The following KCNT2 variants were observed in gnomAD, a reference collection of about 807,000 sequenced individuals.
KCNT2 encodes potassium sodium-activated channel subfamily T member 2.
KCNT2 carries 67 observed loss-of-function variants against 153.8 expected under a neutral mutation model. The observed-to-expected ratio is 0.44, with a 90% CI of 0.36 to 0.53. The LOEUF is 0.53. KCNT2 is among the 20% of genes least tolerant of loss of function. KCNT2 has a pLI of 0.00. For missense variants in KCNT2, 975 were observed against 1,354.8 expected (o/e 0.72, Z 4.40); for synonymous variants, 500 against 458.8 (o/e 1.09, Z -1.15).
intron 14 of KCNT2, among the ~76,000 whole-genome samples, chr1:196,350,088 T>G (rs1446783062): frequency 6.6e-6 from 1 of 152,218 alleles, no homozygotes; most frequent in African/African-American, 2.4e-5. Context: ...TGCCACATTT[T>G]CTTAATCCAG....
intron 8 of KCNT2, among the ~76,000 whole-genome samples, chr1:196,451,407 A>ACTTTTTTTTT (rs1491122191): frequency 4.5e-4 from 28 of 62,874 alleles, no homozygotes; most frequent in Non-Finnish European, 7.1e-4. Context: ...CACCCAACAC[A>ACTTTTTTTTT]TTTTTTTTTT....
At chr1:196,408,960 T>C (rs1383388894) in intron 12 of KCNT2, among the ~76,000 whole-genome samples, 2 of 151,556 alleles carry the variant, frequency 1.3e-5, no homozygotes, top group Non-Finnish European at 3.0e-5. Flanking sequence ...ACAGAAGTGT[T>C]GAAAATTATA....
At chr1:196,482,786 A>G (rs1679115324) in intron 3 of KCNT2, among the ~76,000 whole-genome samples, 5 of 152,152 alleles carry the variant, frequency 3.3e-5, no homozygotes, top group Admixed American at 3.3e-4. Context: ...CCAGAAAAAA[A>G]TCAGTAACAG....
At chr1:196,486,194 G>T (rs1257474515) in intron 3 of KCNT2, among the ~76,000 whole-genome samples, 1 of 151,812 alleles carries the variant, frequency 6.6e-6, no homozygotes, top group Non-Finnish European at 1.5e-5. Context: ...AATGCTAAAA[G>T]TATTTATTCT....
intron 1 of KCNT2, among the ~76,000 whole-genome samples, chr1:196,495,508 C>T (rs1390444896): frequency 6.6e-6 from 1 of 152,086 alleles, no homozygotes; most frequent in Non-Finnish European, 1.5e-5. Context: ...TCCCTCCTTT[C>T]CTTCCTTTAA....
At chr1:196,493,752 T>C (rs1010692742) in intron 1 of KCNT2, among the ~76,000 whole-genome samples, 2 of 152,142 alleles carry the variant, frequency 1.3e-5, no homozygotes, top group African/African-American at 4.8e-5. Flanking sequence ...TTAAAATTAA[T>C]TACGAATCAA....
intron 1 of KCNT2, among the ~76,000 whole-genome samples, chr1:196,521,495 A>G (rs1259320206): frequency 6.6e-6 from 1 of 152,192 alleles, no homozygotes; most frequent in East Asian, 1.9e-4. Flanking sequence ...AGATACATGC[A>G]CCCACATATT....
At chr1:196,436,792 T>C (rs1423824361) in intron 8 of KCNT2, among the ~76,000 whole-genome samples, 3 of 150,476 alleles carry the variant, frequency 2.0e-5, no homozygotes, top group Non-Finnish European at 4.5e-5. Flanking sequence ...ATAAGCATAA[T>C]ATTCTATTTT....
chr1:196,457,459 G>T (rs1028482297), intron 8 of KCNT2, among the ~76,000 whole-genome samples: 3 of 149,384 alleles, frequency 2.0e-5, no homozygotes, highest in Middle Eastern at 3.5e-3. Flanking sequence ...CCTGGACTGC[G>T]TGGTTCCAGA....
chr1:196,408,547 T>C lies in KCNT2; in HGVS notation c.1186-9876A>G, dbSNP rs201375338. Among the ~76,000 whole-genome samples the C allele has an allele frequency of 4.2e-4, 64 of 151,786 alleles. No individual in the cohort carries two copies. The East Asian group carries it at 0.01, about 24-fold the overall frequency. Reference sequence around the variant, plus strand: ...CCTTTCTAATATAAAGATTTAAAGATATAAATTTCTCTTCAGATGCTGGTA... The same window carrying C: ...CCTTTCTAATATAAAGATTTAAAGACATAAATTTCTCTTCAGATGCTGGTA... On this transcript the variant is annotated intron_variant, in intron 12 of 27. Coordinates refer to ENST00000294725, the MANE Select transcript of KCNT2 (RefSeq NM_198503.5).
intron 1 of KCNT2, among the ~76,000 whole-genome samples, chr1:196,537,785 G>A (rs1036966579): frequency 2.0e-5 from 3 of 152,150 alleles, no homozygotes; most frequent in Non-Finnish European, 2.9e-5. Flanking sequence ...CTCTCAGTCC[G>A]AAATCAAATG....
intron 13 of KCNT2, among the ~76,000 whole-genome samples, chr1:196,387,189 T>C (rs1333019859): frequency 1.3e-5 from 2 of 152,042 alleles, no homozygotes; most frequent in African/African-American, 4.8e-5. Context: ...TATATATTCC[T>C]TTATAAAGTG....
chr1:196,400,580 C>T (rs1671325314), intron 12 of KCNT2, among the ~76,000 whole-genome samples: 1 of 151,604 alleles, frequency 6.6e-6, no homozygotes, highest in Non-Finnish European at 1.5e-5. Context: ...TTATGTGTAT[C>T]ATCTTAGTAA....
At position 196,228,262 on chromosome 1, in the gene KCNT2, C is replaced by T; in HGVS notation, c.3370G>A (p.Val1124Ile). 5.6e-6 allele frequency: 9 copies of T among 1,611,088 alleles called. No homozygotes were observed. The highest frequency in any genetic ancestry group is 7.6e-6 in the Non-Finnish European group (9 of 1,177,984). Residue 1124 changes from valine (V) to isoleucine (I), a missense_variant, in exon 28 of 28, where the codon GTC becomes ATC. By Grantham distance (29) the Val-to-Ile change is conservative. Transcript: ENST00000294725. ...TCCTCCCGAGAATCTTGACCAGTGA[C>T]ATTGCAGATGCTGTTTCTTCGACTG... Reference protein sequence around the residue: ...EPSRRNSICNVTGQDSREETQ... With the variant: ...EPSRRNSICNITGQDSREETQ...
In KCNT2 at chr1:196,461,745, T is replaced by A. The variant is rs184946386; in HGVS notation, c.638+3548A>T. Among the ~76,000 whole-genome samples the A allele has an allele frequency of 1.4e-3, 210 of 151,816 alleles. 2 individuals are homozygous for A. The highest frequency in any genetic ancestry group is 4.8e-3 in the African/African-American group (198 of 41,508). ...GTACACTGCCAATATGTGGACAGATTAGTCCAATTCCATTACAATGACCGA... is the reference window on the plus strand; with the variant it reads ...GTACACTGCCAATATGTGGACAGATAAGTCCAATTCCATTACAATGACCGA... On this transcript the variant is annotated intron_variant, in intron 8 of 27. Transcript: ENST00000294725.
intron 8 of KCNT2, among the ~76,000 whole-genome samples, chr1:196,441,257 T>C (rs1250161169): frequency 6.6e-6 from 1 of 151,800 alleles, no homozygotes; most frequent in Admixed American, 6.6e-5. Context: ...GGCCCCATTT[T>C]GCAGTATCTA....
chr1:196,510,705 C>T (rs909773552), intron 1 of KCNT2, among the ~76,000 whole-genome samples: 6 of 152,142 alleles, frequency 3.9e-5, no homozygotes, highest in African/African-American at 1.4e-4. Context: ...CCAGATTCTC[C>T]TTCATCAGTA....
At chr1:196,251,936 A>C (rs1656012179) in intron 26 of KCNT2, among the ~76,000 whole-genome samples, 1 of 151,718 alleles carries the variant, frequency 6.6e-6, no homozygotes, top group African/African-American at 2.4e-5. Context: ...CCTTTTAACC[A>C]ATTTTGTTTT....
chr1:196,408,092 T>TC (rs1671983447), intron 12 of KCNT2, among the ~76,000 whole-genome samples: 1 of 151,506 alleles, frequency 6.6e-6, no homozygotes, highest in South Asian at 2.1e-4. Context: ...GCCTGGAGCC[T>TC]CCCTCTGCCC....
Sources: allele counts gnomAD v4.1 joint callset (sites outside exome capture counted in the v4.1 genomes callset), GRCh38; gene constraint gnomAD v4.1.1; transcripts MANE v1.5; gene names NCBI Gene and HGNC (gene_info 2026-07-23, HGNC 2026-07-21).